Variants in TINAG observed in about 807,000 individuals in gnomAD.
TINAG encodes the protein tubulointerstitial nephritis antigen.
A neutral mutation model predicts 72.7 loss-of-function variants in TINAG; 83 were observed. The ratio of observed to expected loss-of-function variants is 1.14; its 90% CI spans 0.96 to 1.37. TINAG has a LOEUF of 1.37. Among genes scored for constraint, TINAG ranks in the 40% most tolerant of loss-of-function variants. The pLI, the probability that TINAG is intolerant of heterozygous loss-of-function variation, is 0.00. For synonymous variants in TINAG, 234 were observed against 189.9 expected, an observed-to-expected ratio of 1.23 and a Z score of -1.91; for missense variants, 685 against 576.6, an observed-to-expected ratio of 1.19 and a Z score of -1.93.
In TINAG at chr6:54,319,283, T is replaced by A. The variant is rs536236699; in HGVS notation, c.356-1296T>A. Among the ~76,000 whole-genome samples the A allele has an allele frequency of 4.6e-5, 7 of 152,294 alleles. 1 individual carries two copies. The South Asian group carries it at 1.5e-3, about 32-fold the overall frequency. ...TGGATTTTCTGTTGTTTCTAGGTAATAAAATATTTTAGAATCTCTTTAAAT... is the reference window on the plus strand; with the variant it reads ...TGGATTTTCTGTTGTTTCTAGGTAAAAAAATATTTTAGAATCTCTTTAAAT... On this transcript the variant is annotated intron_variant, in intron 1 of 10. Transcript: ENST00000259782.
intron 1 of TINAG, among the ~76,000 whole-genome samples, chr6:54,313,045 A>C (rs1429256536): frequency 6.6e-6 from 1 of 152,162 alleles, no homozygotes; most frequent in East Asian, 1.9e-4. Flanking sequence ...TTGGGATTGA[A>C]AGAAGGTAAT....
At chr6:54,342,339 G>A (rs1430699361) in intron 4 of TINAG, among the ~76,000 whole-genome samples, 1 of 151,332 alleles carries the variant, frequency 6.6e-6, no homozygotes, top group Non-Finnish European at 1.5e-5. Context: ...TTGCACCGTT[G>A]CTCTTTCACA....
chr6:54,324,579 A>C (rs974239743), intron 3 of TINAG, among the ~76,000 whole-genome samples: 1 of 152,198 alleles, frequency 6.6e-6, no homozygotes, highest in Admixed American at 6.5e-5. Flanking sequence ...CTACTGGATA[A>C]GTGGCTTTCA....
At chr6:54,319,996 A>G (rs185812024) in intron 1 of TINAG, among the ~76,000 whole-genome samples, 1 of 145,124 alleles carries the variant, frequency 6.9e-6, no homozygotes, top group East Asian at 2.0e-4. Flanking sequence ...GCAGTTAATA[A>G]CTAGTTTCAG....
rs552866590 is a variant in TINAG, at chr6:54,343,388, C to A, written c.748+39C>A. On this transcript the variant is annotated intron_variant, in intron 5 of 10. Transcript: ENST00000259782. ...TTTAATTCCTTCCTTATAAACTACT[C>A]CTTTTGGCTCTAGAGACTGAGAGAA... 4 of 1,425,394 alleles carry A rather than the reference C, an allele frequency of 2.8e-6. No individual in the cohort carries two copies. In the South Asian group the frequency reaches 5.5e-5, roughly 20 times the overall value. The allele number at this position is 1,425,394 out of a possible 1,614,324, so 88.3% of individuals were successfully genotyped here. A position where few individuals can be genotyped will look rare whatever the true frequency, so the allele number is the denominator to read the frequency against.
At chr6:54,364,410 G>T (rs529265599) in intron 9 of TINAG, among the ~76,000 whole-genome samples, 1 of 151,414 alleles carries the variant, frequency 6.6e-6, no homozygotes, top group East Asian at 1.9e-4. Context: ...CTGATAAATG[G>T]CATAAGACTG....
At chr6:54,341,055 T>C (rs1423813941) in intron 4 of TINAG, among the ~76,000 whole-genome samples, 1 of 152,158 alleles carries the variant, frequency 6.6e-6, no homozygotes, top group Non-Finnish European at 1.5e-5. Context: ...GTAATAGTTA[T>C]ATGTTTATTT....
intron 9 of TINAG, among the ~76,000 whole-genome samples, chr6:54,379,485 T>C (rs977845436): frequency 6.6e-6 from 1 of 152,166 alleles, no homozygotes; most frequent in Non-Finnish European, 1.5e-5. Context: ...AGCTTCTGTA[T>C]CCATACATAC....
At chr6:54,307,960 G>C, upstream of TINAG, 1 of 1,375,836 alleles carries the variant, frequency 7.3e-7, no homozygotes, top group South Asian at 1.3e-5. Context: ...AAATCAAAAC[G>C]CTTCTGGTAG....
rs1366663368 is a variant in TINAG at position 54,347,285 on chromosome 6, G to A, written c.749-82G>A. 3.6e-6 allele frequency: 5 copies of A among 1,398,310 alleles called. No individual in the cohort carries two copies. The East Asian group carries it at 7.2e-5, about 20-fold the overall frequency. 86.6% of individuals were successfully genotyped at this position (1,398,310 alleles called of 1,614,324 possible). A position where few individuals can be genotyped will look rare whatever the true frequency, so the allele number is the denominator to read the frequency against. On this transcript the variant is annotated intron_variant, in intron 5 of 10. Coordinates refer to ENST00000259782, the MANE Select transcript of TINAG (RefSeq NM_014464.4). ...ATACACAGTTTTAAAGACTACGTTA[G>A]GGTTCAAACAAAAAGGGTTATGTAC...
At chr6:54,364,520 A>T (rs1763346360) in intron 9 of TINAG, among the ~76,000 whole-genome samples, 1 of 151,430 alleles carries the variant, frequency 6.6e-6, no homozygotes, top group Non-Finnish European at 1.5e-5. Flanking sequence ...ATAGAAGTTT[A>T]TTTTTTGTTC....
In TINAG at chr6:54,329,407, T is replaced by C. The variant is rs140396728; in HGVS notation, c.624+2491T>C. Among the ~76,000 whole-genome samples, 566 of 152,210 alleles carry C rather than the reference T, an allele frequency of 3.7e-3. 6 individuals carry two copies. Among genetic ancestry groups the C allele is most frequent in the African/African-American group, 0.013 (536 of 41,532 alleles). ...TAAGTGAAAGAGAAATAAAATCCTT[T>C]ACAGACAAGCAAATGCCCAGGGATT... On this transcript the variant is annotated intron_variant, in intron 4 of 10. Coordinates refer to ENST00000259782, the MANE Select transcript of TINAG (RefSeq NM_014464.4).
At chr6:54,318,775 G>A (rs975251907) in intron 1 of TINAG, among the ~76,000 whole-genome samples, 10 of 152,096 alleles carry the variant, frequency 6.6e-5, no homozygotes, top group African/African-American at 2.4e-4. Context: ...GCAAAGGAGT[G>A]AGTGGACTGC....
chr6:54,335,506 A>G (rs932447982), intron 4 of TINAG, among the ~76,000 whole-genome samples: 3 of 152,218 alleles, frequency 2.0e-5, no homozygotes, highest in African/African-American at 7.2e-5. Context: ...CATGGTAGTT[A>G]GGACTAAATT....
intron 3 of TINAG, among the ~76,000 whole-genome samples, chr6:54,322,898 T>C (rs1784524951): frequency 6.6e-6 from 1 of 152,218 alleles, no homozygotes; most frequent in African/African-American, 2.4e-5. Flanking sequence ...ATCAGATTCC[T>C]AAAAGGGTTC....
At chr6:54,383,623 G>T (rs948506614) in intron 10 of TINAG, among the ~76,000 whole-genome samples, 1 of 152,030 alleles carries the variant, frequency 6.6e-6, no homozygotes, top group Non-Finnish European at 1.5e-5. Context: ...GACAAGTGAA[G>T]CAGAAAGATG....
chr6:54,309,776 A>C (rs979870641), intron 1 of TINAG, among the ~76,000 whole-genome samples: 2 of 151,956 alleles, frequency 1.3e-5, no homozygotes, highest in South Asian at 2.1e-4. Flanking sequence ...ATTTTAGGGT[A>C]AACTAGGGGC....
intron 4 of TINAG, among the ~76,000 whole-genome samples, chr6:54,327,663 A>G (rs1468992789): frequency 6.6e-6 from 1 of 152,052 alleles, no homozygotes; most frequent in African/African-American, 2.4e-5. Flanking sequence ...CTGGCTCAGC[A>G]TATCCCACCC....
rs1785259296 is a variant in TINAG at position 54,351,284 on chromosome 6, T to TACACCAATCAATGGGTTTAGTATGC, written c.1081-67_1081-43dup. On this transcript the variant is annotated intron_variant, in intron 7 of 10. Transcript: ENST00000259782. ...AGTAAATTGCAAACACTTAACATTG[T>TACACCAATCAATGGGTTTAGTATGC]ACACCAATCAATGGGTTTAGTATGC... is the stretch of plus-strand genomic sequence containing the variant. 2.2e-6 allele frequency: 3 copies of TACACCAATCAATGGGTTTAGTATGC among 1,385,438 alleles called. No homozygotes were observed. The African/African-American group carries it at 4.3e-5, about 20-fold the overall frequency. 85.8% of individuals were successfully genotyped at this position (1,385,438 alleles called of 1,614,324 possible).
Sources: gnomAD v4.1 joint callset for allele counts (sites outside exome capture counted in the v4.1 genomes callset) on GRCh38, gnomAD v4.1.1 for gene constraint, MANE v1.5 for transcripts, NCBI Gene and HGNC (gene_info 2026-07-23, HGNC 2026-07-21) for gene names.